The following CDK19 variants were observed in gnomAD, a reference collection of about 807,000 sequenced individuals.
CDK19 encodes cyclin-dependent kinase 19.
CDK19 carries 20 observed loss-of-function variants against 68.3 expected under a neutral mutation model. That is an observed-to-expected ratio of 0.29 (90% CI 0.21 to 0.43). The LOEUF (loss-of-function observed/expected upper bound fraction) is 0.43. CDK19 is among the 20% of genes least tolerant of loss of function. The pLI is 1.00. For missense variants in CDK19, 339 were observed against 623.5 expected (o/e 0.54, Z 4.86); for synonymous variants, 221 against 222.8 (o/e 0.99, Z 0.07).
chr6:110,794,758 T>C (rs1249229592), intron 1 of CDK19, among the ~76,000 whole-genome samples: 1 of 151,984 alleles, frequency 6.6e-6, no homozygotes, highest in Non-Finnish European at 1.5e-5. Context: ...ACATGAAACT[T>C]TGTTTATTCT....
chr6:110,645,708 C>T (rs951726493), intron 4 of CDK19: 6 of 413,512 alleles, frequency 1.5e-5, no homozygotes, highest in South Asian at 4.5e-5. Context: ...CTCTTGACGA[C>T]GGCTGGAGGC....
At chr6:110,623,759 TATATACACATATATATAC>T (rs1778872790) in intron 8 of CDK19, among the ~76,000 whole-genome samples, 6 of 87,342 alleles carry the variant, frequency 6.9e-5, no homozygotes, top group African/African-American at 3.4e-4. Flanking sequence ...TATACATATA[TATATACACATATATATAC>T]ATATATACAC....
rs144070068 is a variant in CDK19, at chr6:110,770,472, T to C, written c.129-24271A>G. Among the ~76,000 whole-genome samples the C allele has an allele frequency of 5.6e-3, 852 of 152,234 alleles. 3 individuals are homozygous for C. The highest frequency in any genetic ancestry group is 9.6e-3 in the Admixed American group (146 of 15,286). On this transcript the variant is annotated intron_variant, in intron 1 of 12. Transcript: ENST00000368911. ...GACTTATTCACTACCACAAGAATAGTATGGGGGAAACTGCTCCCATGATTC... is the reference window on the plus strand; with the variant it reads ...GACTTATTCACTACCACAAGAATAGCATGGGGGAAACTGCTCCCATGATTC...
intron 1 of CDK19, among the ~76,000 whole-genome samples, chr6:110,797,009 CA>C (rs61247667): frequency 0.12 from 13,678 of 111,750 alleles, 1,067 homozygotes; most frequent in East Asian, 0.35. Context: ...AACTCCATCT[CA>C]AAAAAAAAAA....
chr6:110,701,686 T>C lies in CDK19; in HGVS notation c.205-31145A>G, dbSNP rs535598018. ...CAATATGACTATCTCAACTGAAGAATGCAAATTGAAGCAATGGAGACATAT... is the reference window on the plus strand; with the variant it reads ...CAATATGACTATCTCAACTGAAGAACGCAAATTGAAGCAATGGAGACATAT... On this transcript the variant is annotated intron_variant, in intron 2 of 12. Transcript: ENST00000368911. Among the ~76,000 whole-genome samples the C allele has an allele frequency of 2.6e-5, 4 of 152,226 alleles. No homozygotes were observed. The South Asian group carries it at 8.3e-4, about 32-fold the overall frequency.
intron 1 of CDK19, among the ~76,000 whole-genome samples, chr6:110,756,840 T>C (rs1434174616): frequency 6.6e-6 from 1 of 152,128 alleles, no homozygotes; most frequent in Non-Finnish European, 1.5e-5. Context: ...AGTTTGGAAG[T>C]AGAGAATAAA....
At chr6:110,736,201 C>T (rs1212913834) in intron 2 of CDK19, among the ~76,000 whole-genome samples, 2 of 152,114 alleles carry the variant, frequency 1.3e-5, no homozygotes, top group African/African-American at 2.4e-5. Flanking sequence ...ATTAGCTGGG[C>T]GTGCTGGCGC....
chr6:110,656,684 C>G (rs1467730476), intron 4 of CDK19, among the ~76,000 whole-genome samples: 2 of 152,198 alleles, frequency 1.3e-5, no homozygotes, highest in Non-Finnish European at 2.9e-5. Flanking sequence ...GCACTGCCAA[C>G]AGTTAACAAT....
chr6:110,684,248 T>TG (rs1180621239), intron 2 of CDK19, among the ~76,000 whole-genome samples: 2 of 152,090 alleles, frequency 1.3e-5, no homozygotes, highest in Non-Finnish European at 2.9e-5. Context: ...ACCTTGACAG[T>TG]TAAACAAAAT....
intron 4 of CDK19, among the ~76,000 whole-genome samples, chr6:110,653,317 A>G (rs1370431217): frequency 6.6e-6 from 1 of 152,196 alleles, no homozygotes; most frequent in African/African-American, 2.4e-5. Flanking sequence ...CTTAATTTTC[A>G]AAAGACTAAT....
intron 2 of CDK19, among the ~76,000 whole-genome samples, chr6:110,690,891 A>G (rs1479233884): frequency 6.6e-6 from 1 of 152,220 alleles, no homozygotes; most frequent in East Asian, 1.9e-4. Context: ...TAAAAAATAA[A>G]TTCAAGAATA....
At chr6:110,625,856 G>C (rs1779058038) in intron 8 of CDK19, among the ~76,000 whole-genome samples, 1 of 152,166 alleles carries the variant, frequency 6.6e-6, no homozygotes, top group Non-Finnish European at 1.5e-5. Context: ...TATGATGTCT[G>C]ATTTTGTTCC....
At chr6:110,676,017 T>A (rs1378881105) in intron 2 of CDK19, among the ~76,000 whole-genome samples, 3 of 152,290 alleles carry the variant, frequency 2.0e-5, no homozygotes, top group South Asian at 2.1e-4. Context: ...CAAAGTAAAT[T>A]GAAAACCTTG....
chr6:110,646,773 G>C (rs1463763768), intron 4 of CDK19, among the ~76,000 whole-genome samples: 1 of 152,062 alleles, frequency 6.6e-6, no homozygotes, highest in East Asian at 1.9e-4. Flanking sequence ...TTGAGTTCTG[G>C]CGTCTGACTC....
At chr6:110,800,757 A>G (rs1255941042) in intron 1 of CDK19, among the ~76,000 whole-genome samples, 2 of 152,192 alleles carry the variant, frequency 1.3e-5, no homozygotes, top group African/African-American at 2.4e-5. Flanking sequence ...CATTCCCTTC[A>G]TGACAAAAAT....
intron 2 of CDK19, among the ~76,000 whole-genome samples, chr6:110,685,675 G>A (rs1001542839): frequency 1.3e-5 from 2 of 152,164 alleles, no homozygotes; most frequent in African/African-American, 4.8e-5. Flanking sequence ...CTGATAAATT[G>A]TTAACTCTCC....
At chr6:110,624,580 T>C (rs1778967932) in intron 8 of CDK19, among the ~76,000 whole-genome samples, 1 of 152,224 alleles carries the variant, frequency 6.6e-6, no homozygotes, top group Non-Finnish European at 1.5e-5. Context: ...ATATATGGTA[T>C]AAACACAGGA....
chr6:110,689,130 T>C (rs1772760800), intron 2 of CDK19, among the ~76,000 whole-genome samples: 1 of 152,134 alleles, frequency 6.6e-6, no homozygotes, highest in East Asian at 1.9e-4. Context: ...TACTGCCGCA[T>C]ACTACTCCCC....
chr6:110,671,988 GGCTGGTCTCAAA>G (rs1290199954), intron 2 of CDK19, among the ~76,000 whole-genome samples: 1 of 152,104 alleles, frequency 6.6e-6, no homozygotes, highest in Non-Finnish European at 1.5e-5. Context: ...ATGTTGGCCA[GGCTGGTCTCAAA>G]CTGCTGACCT....
Sources: gnomAD v4.1 joint callset for allele counts (sites outside exome capture counted in the v4.1 genomes callset) on GRCh38, gnomAD v4.1.1 for gene constraint, MANE v1.5 for transcripts, NCBI Gene and HGNC (gene_info 2026-07-23, HGNC 2026-07-21) for gene names.